Variants in GRID2 observed in about 807,000 individuals in gnomAD.
GRID2 encodes glutamate ionotropic receptor delta type subunit 2, also known as glutamate receptor ionotropic, delta-2.
GRID2 carries 33 observed loss-of-function variants against 114.8 expected under a neutral mutation model. The observed-to-expected ratio is 0.29, with a 90% confidence interval of 0.22 to 0.38. GRID2 has a LOEUF of 0.38. Among genes scored for constraint, GRID2 ranks in the 10% least tolerant of loss-of-function variants. The pLI, the probability that GRID2 is intolerant of heterozygous loss-of-function variation, is 1.00. For missense variants in GRID2, 1,184 were observed against 1,257.7 expected, an observed-to-expected ratio of 0.94 and a Z score of 0.89; for synonymous variants, 505 against 449.9, an observed-to-expected ratio of 1.12 and a Z score of -1.55.
intron 1 of GRID2, among the ~76,000 whole-genome samples, chr4:92,478,938 C>T (rs1004314778): frequency 1.3e-5 from 2 of 152,098 alleles, no homozygotes; most frequent in East Asian, 1.9e-4. Context: ...CCCAGTGTGA[C>T]ATCTCCAATG....
intron 1 of GRID2, among the ~76,000 whole-genome samples, chr4:92,538,796 A>C (rs2012741): frequency 0.44 from 67,057 of 151,924 alleles, 14,944 homozygotes; most frequent in Middle Eastern, 0.56. Flanking sequence ...AAGTCAGAGT[A>C]TGGTGAGTGT....
At chr4:93,481,639 C>G (rs1426087493) in intron 11 of GRID2, among the ~76,000 whole-genome samples, 2 of 152,072 alleles carry the variant, frequency 1.3e-5, no homozygotes, top group Non-Finnish European at 2.9e-5. Context: ...GCACTTCATT[C>G]CATGCCAACT....
At chr4:93,645,836 C>G (rs1452544386) in intron 14 of GRID2, among the ~76,000 whole-genome samples, 1 of 152,150 alleles carries the variant, frequency 6.6e-6, no homozygotes, top group Non-Finnish European at 1.5e-5. Context: ...CAAATATATT[C>G]TAAATTCTTA....
intron 2 of GRID2, among the ~76,000 whole-genome samples, chr4:92,680,240 G>A (rs886412597): frequency 6.6e-6 from 1 of 151,966 alleles, no homozygotes; most frequent in Admixed American, 6.6e-5. Context: ...ATAGACACAA[G>A]ACAAATTCGA....
chr4:92,838,695 C>G (rs1422543765), intron 2 of GRID2: 2 of 152,054 alleles, frequency 1.3e-5, no homozygotes, highest in African/African-American at 4.8e-5. Flanking sequence ...AGCCCATGTT[C>G]TATTAGACAT....
intron 2 of GRID2, among the ~76,000 whole-genome samples, chr4:93,055,217 T>C (rs1727108574): frequency 6.6e-6 from 1 of 151,796 alleles, no homozygotes; most frequent in Non-Finnish European, 1.5e-5. Context: ...TTTTGAACTA[T>C]ACCCAGAAGA....
At chr4:92,862,479 C>T (rs938151088) in intron 2 of GRID2, among the ~76,000 whole-genome samples, 11 of 151,870 alleles carry the variant, frequency 7.2e-5, no homozygotes, top group African/African-American at 2.7e-4. Context: ...GATTTTTAAA[C>T]TTCTATTAGT....
At chr4:92,658,781 G>A (rs1356577827) in intron 2 of GRID2, among the ~76,000 whole-genome samples, 8 of 43,964 alleles carry the variant, frequency 1.8e-4, no homozygotes, top group African/African-American at 5.2e-4. Context: ...TTGCATGTAT[G>A]TGTGTGTGTG....
intron 1 of GRID2, among the ~76,000 whole-genome samples, chr4:92,520,158 T>C (rs1343356880): frequency 6.6e-6 from 1 of 151,864 alleles, no homozygotes; most frequent in Non-Finnish European, 1.5e-5. Flanking sequence ...TTTTTCCTAA[T>C]ATGATACAGC....
intron 1 of GRID2, among the ~76,000 whole-genome samples, chr4:92,419,816 C>T (rs890425912): frequency 1.3e-5 from 2 of 151,922 alleles, no homozygotes; most frequent in African/African-American, 4.8e-5. Context: ...AATTCTAGGA[C>T]ATTTATTTCA....
chr4:93,768,151 G>A (rs1733821513), intron 14 of GRID2, among the ~76,000 whole-genome samples: 4 of 152,154 alleles, frequency 2.6e-5, no homozygotes, highest in Admixed American at 2.6e-4. Context: ...ACCCTATAGA[G>A]CTATGGTGCA....
At chr4:92,350,594 A>G (rs924882445) in intron 1 of GRID2, among the ~76,000 whole-genome samples, 1 of 151,760 alleles carries the variant, frequency 6.6e-6, no homozygotes, top group African/African-American at 2.4e-5. Context: ...TGACGTTTAA[A>G]ATTTCCTTCC....
In GRID2 at chr4:92,482,739, CT is replaced by C. The variant is rs547173639; in HGVS notation, c.89-107391del. Reference sequence around the variant, plus strand: ...TTGACTTGTCTCTGGCTGAAAGAATCTAGAGACGCATAACTTAAAAACTCTA... The same window carrying C: ...TTGACTTGTCTCTGGCTGAAAGAATCAGAGACGCATAACTTAAAAACTCTA... On this transcript the variant is annotated intron_variant, in intron 1 of 15. Transcript: ENST00000282020. Among the ~76,000 whole-genome samples, 132 of 152,198 alleles carry C rather than the reference CT, an allele frequency of 8.7e-4. 1 individual carries two copies. The highest frequency in any genetic ancestry group is 3.0e-3 in the African/African-American group (124 of 41,532).
intron 8 of GRID2, among the ~76,000 whole-genome samples, chr4:93,309,541 AAATAAT>A (rs144251678): frequency 0.017 from 2,600 of 151,270 alleles, 81 homozygotes; most frequent in African/African-American, 0.06. Context: ...TTGTCTCAAA[AAATAAT>A]AATAATAATA....
intron 1 of GRID2, among the ~76,000 whole-genome samples, chr4:92,398,906 T>C (rs1338082085): frequency 6.6e-6 from 1 of 152,202 alleles, no homozygotes; most frequent in African/African-American, 2.4e-5. Flanking sequence ...TTAAACGTGA[T>C]AACTACATGA....
intron 2 of GRID2, among the ~76,000 whole-genome samples, chr4:92,699,119 G>T (rs1484180784): frequency 6.6e-6 from 1 of 152,018 alleles, no homozygotes; most frequent in Non-Finnish European, 1.5e-5. Context: ...ATTCCAAAAT[G>T]TTCTATCTAA....
At chr4:92,927,676 C>G (rs181257775) in intron 2 of GRID2, among the ~76,000 whole-genome samples, 2 of 151,750 alleles carry the variant, frequency 1.3e-5, no homozygotes, top group African/African-American at 4.8e-5. Flanking sequence ...ATCCTTTATC[C>G]AAAAGACAGA....
At chr4:92,910,597 C>A (rs1748298228) in intron 2 of GRID2, among the ~76,000 whole-genome samples, 1 of 152,088 alleles carries the variant, frequency 6.6e-6, no homozygotes, top group Non-Finnish European at 1.5e-5. Context: ...GTGCTAAATA[C>A]AATGAGAATT....
chr4:92,986,580 G>A (rs564724754), intron 2 of GRID2, among the ~76,000 whole-genome samples: 2 of 152,056 alleles, frequency 1.3e-5, no homozygotes, highest in Non-Finnish European at 2.9e-5. Flanking sequence ...GTGTAGCAAT[G>A]TTAACTTTCT....
Sources: allele counts gnomAD v4.1 joint callset (sites outside exome capture counted in the v4.1 genomes callset), GRCh38; gene constraint gnomAD v4.1.1; transcripts MANE v1.5; gene names NCBI Gene and HGNC (gene_info 2026-07-23, HGNC 2026-07-21).